The following NRXN1 variants were observed in gnomAD, a reference collection of about 807,000 sequenced individuals.
The protein encoded by NRXN1 is neurexin 1.
Under a neutral mutation model 150.9 loss-of-function variants are expected in NRXN1, and 39 were observed. The observed-to-expected ratio is 0.26, with a 90% confidence interval of 0.20 to 0.34. The LOEUF is 0.34. Among genes scored for constraint, NRXN1 ranks in the 10% least tolerant of loss-of-function variants. NRXN1 has a pLI of 1.00. For missense variants in NRXN1, 1,815 were observed against 1,949.9 expected (o/e 0.93, Z 1.30); for synonymous variants, 924 against 757.0 (o/e 1.22, Z -3.62).
intron 19 of NRXN1, among the ~76,000 whole-genome samples, chr2:50,087,964 C>G (rs1430246772): frequency 6.6e-6 from 1 of 152,146 alleles, no homozygotes. Context: ...TTACTAATTT[C>G]AATCCTTATT....
intron 2 of NRXN1, among the ~76,000 whole-genome samples, chr2:50,985,614 A>C (rs7559936): frequency 0.42 from 64,057 of 151,494 alleles, 13,832 homozygotes; most frequent in Admixed American, 0.5. Context: ...TAAGGAAAAA[A>C]GGATCCAAGG....
At chr2:50,183,045 A>G (rs1001343092) in intron 18 of NRXN1, among the ~76,000 whole-genome samples, 3 of 152,116 alleles carry the variant, frequency 2.0e-5, no homozygotes, top group African/African-American at 7.2e-5. Context: ...CCAATTAAGT[A>G]TAGGCATTAA....
At chr2:51,011,139 T>G (rs1185891011) in intron 2 of NRXN1, among the ~76,000 whole-genome samples, 1 of 152,026 alleles carries the variant, frequency 6.6e-6, no homozygotes, top group Non-Finnish European at 1.5e-5. Context: ...TTAATTCACG[T>G]CTTTACTTAT....
chr2:50,534,408 A>T (rs1402285654), intron 10 of NRXN1, among the ~76,000 whole-genome samples: 1 of 152,184 alleles, frequency 6.6e-6, no homozygotes, highest in Non-Finnish European at 1.5e-5. Context: ...GGTTCTATAT[A>T]ATATCATATT....
chr2:50,295,178 T>C (rs185164122), intron 17 of NRXN1, among the ~76,000 whole-genome samples: 16 of 152,316 alleles, frequency 1.1e-4, no homozygotes, highest in African/African-American at 3.6e-4. Context: ...CAATAGCATG[T>C]GGTATCAATT....
At chr2:50,272,705 C>A (rs1321178334) in intron 17 of NRXN1, among the ~76,000 whole-genome samples, 1 of 151,954 alleles carries the variant, frequency 6.6e-6, no homozygotes, top group Non-Finnish European at 1.5e-5. Context: ...TCAATAGATA[C>A]AGCATAAAGT....
intron 5 of NRXN1, among the ~76,000 whole-genome samples, chr2:50,889,958 A>T (rs780918065): frequency 6.6e-6 from 1 of 151,742 alleles, no homozygotes. Context: ...ACATATCTTT[A>T]AAATAAATCT....
At chr2:50,427,482 T>G (rs534661315) in intron 17 of NRXN1, among the ~76,000 whole-genome samples, 47 of 152,266 alleles carry the variant, frequency 3.1e-4, no homozygotes, top group African/African-American at 1.1e-3. Context: ...TATCAGAGTA[T>G]GTGTGACCCA....
chr2:50,331,092 G>A (rs2076808177), intron 17 of NRXN1, among the ~76,000 whole-genome samples: 1 of 152,014 alleles, frequency 6.6e-6, no homozygotes, highest in Non-Finnish European at 1.5e-5. Flanking sequence ...CAAGAAAGAG[G>A]CAGTTCATAA....
intron 5 of NRXN1, chr2:50,739,357 T>G (rs892359464): frequency 2.7e-6 from 1 of 373,514 alleles, no homozygotes; most frequent in Non-Finnish European, 5.5e-6. Context: ...CAAAGTGAAA[T>G]GTAATTCTAT....
chr2:50,972,289 A>G (rs566691118), intron 2 of NRXN1, among the ~76,000 whole-genome samples: 1 of 152,240 alleles, frequency 6.6e-6, no homozygotes, highest in African/African-American at 2.4e-5. Context: ...ATACATGTTA[A>G]TATTAATGCT....
At chr2:50,316,177 A>C (rs1465461758) in intron 17 of NRXN1, among the ~76,000 whole-genome samples, 1 of 152,056 alleles carries the variant, frequency 6.6e-6, no homozygotes. Context: ...TTCCACACTC[A>C]GTAGAAATGT....
In NRXN1 at chr2:50,335,884, C is replaced by T. The variant is rs987924408; in HGVS notation, c.3365-98914G>A. Among the ~76,000 whole-genome samples, 6 of 123,964 alleles carry T rather than the reference C, an allele frequency of 4.8e-5. No individual in the cohort carries two copies. In the South Asian group the frequency reaches 1.2e-3, roughly 25 times the overall value. The allele number at this position is 123,964 out of a possible 152,430, so 81.3% of individuals were successfully genotyped here. On this transcript the variant is annotated intron_variant, in intron 17 of 22. Transcript: ENST00000401669. ...GTCTACCTTATATCTAACCTCAGTC[C>T]TTTCTGTTTTTTTTTTTTTTCCAGA...
intron 5 of NRXN1, among the ~76,000 whole-genome samples, chr2:50,664,564 C>T (rs1274625676): frequency 2.6e-5 from 4 of 151,460 alleles, no homozygotes; most frequent in Admixed American, 2.0e-4. Flanking sequence ...AAGGCAAAGC[C>T]CTTGATTCGC....
chr2:50,079,328 T>G (rs900276601), intron 19 of NRXN1, among the ~76,000 whole-genome samples: 1 of 152,086 alleles, frequency 6.6e-6, no homozygotes, highest in South Asian at 2.1e-4. Context: ...TATCTAATAT[T>G]GTAAATAAAG....
intron 17 of NRXN1, among the ~76,000 whole-genome samples, chr2:50,431,561 A>C (rs10182951): frequency 0.3 from 46,170 of 151,990 alleles, 7,294 homozygotes; most frequent in East Asian, 0.4. Flanking sequence ...TATTTTTTTA[A>C]ATTTAAAAGT....
chr2:50,997,337 G>A (rs1699451388), intron 2 of NRXN1, among the ~76,000 whole-genome samples: 1 of 151,922 alleles, frequency 6.6e-6, no homozygotes, highest in Non-Finnish European at 1.5e-5. Context: ...TTGCACTCCA[G>A]CCTGGGCAAC....
intron 18 of NRXN1, among the ~76,000 whole-genome samples, chr2:50,143,475 G>C (rs1268707212): frequency 6.6e-6 from 1 of 151,896 alleles, no homozygotes; most frequent in Non-Finnish European, 1.5e-5. Context: ...GCTGATTTAA[G>C]TATAATTAAA....
chr2:50,776,643 T>TAC, intron 5 of NRXN1, among the ~76,000 whole-genome samples: 1 of 139,488 alleles, frequency 7.2e-6, no homozygotes, highest in East Asian at 2.0e-4. Context: ...GATATATATA[T>TAC]ATATATACAC....
Sources: allele counts gnomAD v4.1 joint callset (sites outside exome capture counted in the v4.1 genomes callset), GRCh38; gene constraint gnomAD v4.1.1; transcripts MANE v1.5; gene names NCBI Gene and HGNC (gene_info 2026-07-23, HGNC 2026-07-21).